Variants in DMXL1 observed in about 807,000 individuals in gnomAD.
DMXL1 encodes Dmx like 1, also known as dmX-like protein 1.
DMXL1 carries 99 observed loss-of-function variants against 319.2 expected under a neutral mutation model. The ratio of observed to expected loss-of-function variants is 0.31; its 90% CI spans 0.26 to 0.37. The LOEUF is 0.37. Among genes scored for constraint, DMXL1 ranks in the 10% least tolerant of loss-of-function variants. The pLI is 1.00. For synonymous variants in DMXL1, 1,385 were observed against 1,235.2 expected, an observed-to-expected ratio of 1.12 and a Z score of -2.54; for missense variants, 3,745 against 3,595.6, an observed-to-expected ratio of 1.04 and a Z score of -1.06.
chr5:119,188,436 A>G (rs569393546), intron 28 of DMXL1, among the ~76,000 whole-genome samples: 1 of 152,344 alleles, frequency 6.6e-6, no homozygotes, highest in East Asian at 1.9e-4. Context: ...TTAAAGCCAA[A>G]TGATAAATTG....
chr5:119,109,738 A>G (rs932191835), intron 4 of DMXL1, among the ~76,000 whole-genome samples: 1 of 152,160 alleles, frequency 6.6e-6, no homozygotes, highest in African/African-American at 2.4e-5. Flanking sequence ...CACTTTTACT[A>G]CAGGTACACA....
chr5:119,144,002 A>C, intron 14 of DMXL1, 72 bp downstream of exon 14: 9 of 944,296 alleles, frequency 9.5e-6, no homozygotes, highest in Non-Finnish European at 1.4e-5. Flanking sequence ...AAATCTATAT[A>C]TTAATGTAAT....
At position 119,203,335 on chromosome 5, in the gene DMXL1, G is replaced by A. The variant is rs1314153873; in HGVS notation, c.7762G>A (p.Ala2588Thr). The A allele has an allele frequency of 1.3e-6, 2 of 1,592,900 alleles. No individual in the cohort carries two copies. Among genetic ancestry groups the A allele is most frequent in the Admixed American group, 1.8e-5 (1 of 55,268 alleles). ...NTPFKSKHHLALSVKRLWQYL... is the reference protein window; with the variant it reads ...NTPFKSKHHLTLSVKRLWQYL... ...TCTCTGTAGATCCAAACACCATCTG[G>A]CACTGTCTGTGAAGAGGCTTTGGCA... Residue 2588 changes from alanine (A) to threonine (T), a missense_variant, in exon 33 of 44, where the codon GCA becomes ACA. Around this residue, in one of 4 missense-constraint regions of DMXL1, gnomAD observed 1,382 missense variants for 1,269.5 expected, o/e 1.09. Coordinates refer to ENST00000539542, the MANE Select transcript of DMXL1 (RefSeq NM_001290321.3).
At chr5:119,123,646 T>G (rs1012944285) in intron 9 of DMXL1, among the ~76,000 whole-genome samples, 1 of 151,806 alleles carries the variant, frequency 6.6e-6, no homozygotes, top group African/African-American at 2.4e-5. Context: ...ACTACAGATA[T>G]AGTATTGTAT....
At chr5:119,187,005 C>T (rs1777844324) in intron 28 of DMXL1, among the ~76,000 whole-genome samples, 1 of 151,744 alleles carries the variant, frequency 6.6e-6, no homozygotes, top group Non-Finnish European at 1.5e-5. Context: ...AGCACACCAA[C>T]ATGGCACATG....
intron 5 of DMXL1, among the ~76,000 whole-genome samples, chr5:119,113,244 T>A (rs1344955159): frequency 3.3e-5 from 5 of 151,108 alleles, no homozygotes; most frequent in African/African-American, 4.9e-5. Context: ...GACATATTTT[T>A]GTTGTTGTTG....
intron 32 of DMXL1, among the ~76,000 whole-genome samples, chr5:119,202,891 A>ATATATATATATT (rs1453478945): frequency 2.1e-5 from 3 of 139,962 alleles, no homozygotes; most frequent in Admixed American, 7.1e-5. Context: ...ATTTTTATAT[A>ATATATATATATT]TATATATATA....
intron 4 of DMXL1, among the ~76,000 whole-genome samples, chr5:119,107,923 C>T (rs1185890005): frequency 3.9e-5 from 6 of 152,098 alleles, no homozygotes; most frequent in African/African-American, 4.8e-5. Context: ...GTATTTAAAC[C>T]TCAAATTTTA....
chr5:119,208,752 A>G (rs1052708114), intron 34 of DMXL1, among the ~76,000 whole-genome samples: 1 of 152,114 alleles, frequency 6.6e-6, no homozygotes, highest in Non-Finnish European at 1.5e-5. Context: ...AAAGTGTACA[A>G]CTTGTTCAAT....
intron 26 of DMXL1, among the ~76,000 whole-genome samples, chr5:119,176,689 A>G (rs1453166161): frequency 6.6e-6 from 1 of 152,052 alleles, no homozygotes; most frequent in Non-Finnish European, 1.5e-5. Flanking sequence ...TTAATGTATG[A>G]TATAGGAATT....
chr5:119,167,605 A>T lies in DMXL1; in HGVS notation c.5139A>T (p.Val1713=). Residue 1713 remains valine, a splice_region_variant and synonymous_variant, in exon 23 of 44, where the codon GTA becomes GTT. Transcript: ENST00000539542. Reference sequence around the variant, plus strand: ...AAAAACAATATTTTTTTTTAAAGGTATGTCTTGAGAAATTGAATGACATTC... The same window carrying T: ...AAAAACAATATTTTTTTTTAAAGGTTTGTCTTGAGAAATTGAATGACATTC... ...LAGCLRDAIE[V]CLEKLNDIQL... 2 of 1,578,902 alleles carry T rather than the reference A, an allele frequency of 1.3e-6. No individual in the cohort carries two copies. Among genetic ancestry groups the T allele is most frequent in the Admixed American group, 1.8e-5 (1 of 54,586 alleles).
At chr5:119,215,251 T>G (rs904102221) in intron 34 of DMXL1, among the ~76,000 whole-genome samples, 1 of 152,148 alleles carries the variant, frequency 6.6e-6, no homozygotes, top group Non-Finnish European at 1.5e-5. Context: ...TTGGTTTGGT[T>G]ATCTTGTAGG....
Position 119,149,044 on chromosome 5 carries a change from G to C in DMXL1, c.3217G>C (p.Asp1073His). The part of the protein sequence containing the change: ...QPASNSRSSQ[D>H]FVMHVSIFEC... The stretch of plus-strand genomic sequence containing the variant: ...TGCATCTAATAGTAGATCTTCCCAG[G>C]ACTTTGTGATGCATGTAAGTATTTT... The change falls in exon 18 of 44, where the codon GAC becomes CAC. Residue 1073 changes from aspartate to histidine, a missense_variant. Physicochemically the swap from Asp to His is moderately conservative, Grantham distance 81 (BLOSUM62 -1). Coordinates refer to ENST00000539542, the MANE Select transcript of DMXL1 (RefSeq NM_001290321.3). 4 of 1,613,876 alleles carry C rather than the reference G, an allele frequency of 2.5e-6. No homozygotes were observed. Among genetic ancestry groups the C allele is most frequent in the Non-Finnish European group, 8.5e-7 (1 of 1,179,864 alleles).
At chr5:119,223,089 C>T (rs1346498967) in intron 37 of DMXL1, among the ~76,000 whole-genome samples, 3 of 142,710 alleles carry the variant, frequency 2.1e-5, no homozygotes, top group Admixed American at 7.2e-5. Flanking sequence ...TGGAGTCTCG[C>T]TCTATTGCCC....
intron 13 of DMXL1, among the ~76,000 whole-genome samples, chr5:119,135,032 A>G (rs536803773): frequency 1.4e-4 from 21 of 152,344 alleles, no homozygotes; most frequent in African/African-American, 5.1e-4. Context: ...GTATTTGTTA[A>G]TGCTCGGCTT....
At chr5:119,183,461 A>G (rs1032738410) in intron 28 of DMXL1, among the ~76,000 whole-genome samples, 2 of 152,134 alleles carry the variant, frequency 1.3e-5, no homozygotes, top group South Asian at 2.1e-4. Context: ...AATTCTGTGG[A>G]AGGGAATACT....
chr5:119,149,021 C>T lies in DMXL1; in HGVS notation c.3194C>T (p.Ala1065Val), dbSNP rs1410435083. Residue 1065 changes from alanine to valine, a missense_variant, in exon 18 of 44, where the codon GCA becomes GTA. This residue lies in a region of DMXL1 where 2,096 missense variants were observed against 1,985.4 expected (regional missense o/e 1.06). Transcript: ENST00000539542. Reference protein sequence around the residue: ...NRLAVAYKQPASNSRSSQDFV... With the variant: ...NRLAVAYKQPVSNSRSSQDFV... ...TTAGCAGTAGCTTATAAGCAGCCTGCATCTAATAGTAGATCTTCCCAGGAC... is the reference window on the plus strand; with the variant it reads ...TTAGCAGTAGCTTATAAGCAGCCTGTATCTAATAGTAGATCTTCCCAGGAC... 1.9e-6 allele frequency: 3 copies of T among 1,613,760 alleles called. No homozygotes were observed. The highest frequency in any genetic ancestry group is 2.5e-6 in the Non-Finnish European group (3 of 1,179,858).
At chr5:119,142,192 A>G (rs546464965) in intron 13 of DMXL1, among the ~76,000 whole-genome samples, 42 of 152,278 alleles carry the variant, frequency 2.8e-4, no homozygotes, top group Admixed American at 5.9e-4. Context: ...CATTCTGGAC[A>G]TAGGAATGGG....
chr5:119,147,132 TTAATA>T, intron 16 of DMXL1, 112 bp from the exon 17 acceptor site: 1 of 1,109,064 alleles, frequency 9.0e-7, no homozygotes, highest in Non-Finnish European at 1.3e-6. Flanking sequence ...AAGAATCATA[TTAATA>T]TGTTTACTAT....
Sources: gnomAD v4.1 joint callset for allele counts (sites outside exome capture counted in the v4.1 genomes callset) on GRCh38, gnomAD v4.1.1 for gene constraint, gnomAD v4.1.1 regional missense constraint, MANE v1.5 for transcripts, NCBI Gene and HGNC (gene_info 2026-07-23, HGNC 2026-07-21) for gene names.